Variants in COX10 observed in about 807,000 individuals in gnomAD.
COX10 encodes cytochrome c oxidase assembly factor heme A:farnesyltransferase COX10, also known as protoheme IX farnesyltransferase, mitochondrial.
Under a neutral mutation model 37.3 loss-of-function variants are expected in COX10, and 27 were observed. That is an observed-to-expected ratio of 0.72 (90% CI 0.53 to 1.00). The LOEUF (loss-of-function observed/expected upper bound fraction) is 1.00. Among genes scored for constraint, COX10 ranks in the 50% least tolerant of loss-of-function variants. The probability of loss-of-function intolerance (pLI) is 0.00; values close to 1 mark genes in which losing one functional copy is unlikely to be tolerated. For synonymous variants in COX10, 222 were observed against 229.1 expected (o/e 0.97, Z 0.28); for missense variants, 475 against 563.2 (o/e 0.84, Z 1.59).
intron 4 of COX10, among the ~76,000 whole-genome samples, chr17:14,154,325 T>A (rs1171735982): frequency 2.0e-5 from 3 of 152,224 alleles, no homozygotes; most frequent in Admixed American, 6.5e-5. Flanking sequence ...AGAGATTGGC[T>A]CTAACAATGG....
rs572756220 is a variant in COX10 at position 14,078,790 on chromosome 17, A to C, written c.499+1734A>C. ...GTTTCTCCATATTAGCTTCTGTCTCAACCCTGCTTAGTGTTAAAGGAACAC... is the reference window on the plus strand; with the variant it reads ...GTTTCTCCATATTAGCTTCTGTCTCCACCCTGCTTAGTGTTAAAGGAACAC... On this transcript the variant is annotated intron_variant, in intron 3 of 6. Transcript: ENST00000261643. Among the ~76,000 whole-genome samples the C allele has an allele frequency of 2.0e-5, 3 of 152,270 alleles. No homozygotes were observed. In the South Asian group the frequency reaches 6.2e-4, roughly 32 times the overall value.
intron 5 of COX10, among the ~76,000 whole-genome samples, chr17:14,163,230 C>T (rs185595016): frequency 1.1e-3 from 129 of 119,434 alleles, no homozygotes; most frequent in Non-Finnish European, 1.9e-3. Context: ...TGGCATAAGA[C>T]AGGAAAATTT....
At chr17:14,200,281 T>TGTG (rs1423127706) in intron 6 of COX10, among the ~76,000 whole-genome samples, 3 of 152,318 alleles carry the variant, frequency 2.0e-5, no homozygotes, top group African/African-American at 7.2e-5. Flanking sequence ...GGAGGTGTGC[T>TGTG]GTGGACAAGA....
intron 5 of COX10, among the ~76,000 whole-genome samples, chr17:14,189,369 C>G (rs1029528082): frequency 3.3e-5 from 5 of 152,166 alleles, no homozygotes; most frequent in African/African-American, 1.2e-4. Flanking sequence ...TGGTTTGCAG[C>G]TGTGGACTTT....
intron 3 of COX10, among the ~76,000 whole-genome samples, chr17:14,081,454 CAG>C (rs1418201147): frequency 4.6e-5 from 7 of 152,212 alleles, no homozygotes; most frequent in African/African-American, 9.6e-5. Flanking sequence ...CGCGGAGCTG[CAG>C]AGAGTTTGAA....
intron 4 of COX10, among the ~76,000 whole-genome samples, chr17:14,148,415 T>G (rs972414448): frequency 6.6e-6 from 1 of 152,210 alleles, no homozygotes; most frequent in African/African-American, 2.4e-5. Flanking sequence ...TGCCTCTCCC[T>G]GTGCTTTATT....
chr17:14,179,891 A>G (rs1905803808), intron 5 of COX10, among the ~76,000 whole-genome samples: 1 of 151,886 alleles, frequency 6.6e-6, no homozygotes, highest in Admixed American at 6.6e-5. Flanking sequence ...TAGAGAGGAT[A>G]AATTAAAACA....
chr17:14,188,305 G>A (rs1205208169), intron 5 of COX10, among the ~76,000 whole-genome samples: 1 of 150,568 alleles, frequency 6.6e-6, no homozygotes, highest in African/African-American at 2.4e-5. Flanking sequence ...GCCATCTAAA[G>A]TTTCCTTTCT....
At chr17:14,078,401 C>T (rs1915204235) in intron 3 of COX10, among the ~76,000 whole-genome samples, 1 of 152,162 alleles carries the variant, frequency 6.6e-6, no homozygotes, top group South Asian at 2.1e-4. Flanking sequence ...TGCAGATTAG[C>T]TCTCGTCTCT....
intron 5 of COX10, among the ~76,000 whole-genome samples, chr17:14,181,686 G>A (rs940896360): frequency 2.0e-5 from 3 of 152,214 alleles, no homozygotes; most frequent in Admixed American, 6.5e-5. Context: ...GAAAGGAAAA[G>A]TATGTGTCTG....
At chr17:14,179,680 T>C (rs181431235) in intron 5 of COX10, among the ~76,000 whole-genome samples, 23 of 152,260 alleles carry the variant, frequency 1.5e-4, no homozygotes, top group African/African-American at 5.1e-4. Flanking sequence ...TTCTTGTTAT[T>C]TCAGAGACAT....
chr17:14,155,454 G>A (rs995649783), intron 4 of COX10, among the ~76,000 whole-genome samples: 2 of 152,024 alleles, frequency 1.3e-5, no homozygotes, highest in Non-Finnish European at 2.9e-5. Context: ...GGTGGCTCAC[G>A]CCTGTAATCC....
chr17:14,069,721 G>T (rs1218058090), intron 1 of COX10, 73 bp downstream of exon 1: 91 of 1,591,024 alleles, frequency 5.7e-5, no homozygotes, highest in Non-Finnish European at 4.7e-5. Flanking sequence ...CCGTGGTTCC[G>T]GCTGGCTGCA....
At chr17:14,200,499 G>C (rs1476932283) in intron 6 of COX10, among the ~76,000 whole-genome samples, 2 of 152,212 alleles carry the variant, frequency 1.3e-5, no homozygotes, top group African/African-American at 4.8e-5. Context: ...CCCTCCAGCT[G>C]TTCTTACATA....
At chr17:14,154,139 C>T (rs970160356) in intron 4 of COX10, among the ~76,000 whole-genome samples, 3 of 152,090 alleles carry the variant, frequency 2.0e-5, no homozygotes, top group African/African-American at 4.8e-5. Flanking sequence ...GTGGAAGAGG[C>T]GGACTACAGG....
chr17:14,146,571 C>A (rs906438035), intron 4 of COX10, among the ~76,000 whole-genome samples: 1 of 152,112 alleles, frequency 6.6e-6, no homozygotes, highest in Admixed American at 6.6e-5. Flanking sequence ...TCTAAGACAT[C>A]GGCCTGGGCA....
At chr17:14,157,546 G>A (rs773292392) in intron 4 of COX10, among the ~76,000 whole-genome samples, 1 of 152,202 alleles carries the variant, frequency 6.6e-6, no homozygotes, top group Non-Finnish European at 1.5e-5. Context: ...ATCTCTATGG[G>A]ATTGGTTTTA....
At chr17:14,147,788 T>A (rs1904767773) in intron 4 of COX10, among the ~76,000 whole-genome samples, 1 of 135,594 alleles carries the variant, frequency 7.4e-6, no homozygotes, top group Non-Finnish European at 1.6e-5. Flanking sequence ...TAAAACAATT[T>A]AAAAAAAATT....
rs71147845 is a variant in COX10 at position 14,166,612 on chromosome 17, C to CTT, written c.695+6685_695+6686dup. Among the ~76,000 whole-genome samples the CTT allele has an allele frequency of 3.5e-3, 339 of 96,542 alleles. 1 individual carries two copies. The highest frequency in any genetic ancestry group is 5.8e-3 in the Middle Eastern group (1 of 172). The allele number at this position is 96,542 out of a possible 152,430, so 63.3% of individuals were successfully genotyped here. A position where few individuals can be genotyped will look rare whatever the true frequency, so the allele number is the denominator to read the frequency against. On this transcript the variant is annotated intron_variant, in intron 5 of 6. Transcript: ENST00000261643. Reference sequence around the variant, plus strand: ...TCATGGATCAAAGAGTCAATTCGACCTTTTTTTTTTTTTTTTTTTTTGAGA... The same window carrying CTT: ...TCATGGATCAAAGAGTCAATTCGACCTTTTTTTTTTTTTTTTTTTTTTTGAGA...
Sources: allele counts gnomAD v4.1 joint callset (sites outside exome capture counted in the v4.1 genomes callset), GRCh38; gene constraint gnomAD v4.1.1; transcripts MANE v1.5; gene names NCBI Gene and HGNC (gene_info 2026-07-23, HGNC 2026-07-21).